Variants in MYO1B observed in about 807,000 individuals in gnomAD.
MYO1B encodes myosin IB.
MYO1B carries 72 observed loss-of-function variants against 159.7 expected under a neutral mutation model. The observed-to-expected ratio is 0.45, with a 90% CI of 0.37 to 0.55. The LOEUF (loss-of-function observed/expected upper bound fraction) is 0.55, where lower values mean the gene tolerates loss of function less well. Ranked by LOEUF, MYO1B falls within the 20% of genes least tolerant of loss-of-function variation. The probability of loss-of-function intolerance (pLI) is 0.00; values close to 1 mark genes in which losing one functional copy is unlikely to be tolerated. For missense variants in MYO1B, 1,062 were observed against 1,364.8 expected (o/e 0.78, Z 3.50); for synonymous variants, 468 against 473.8 (o/e 0.99, Z 0.16).
chr2:191,300,525 G>A (rs1171168307), intron 3 of MYO1B, among the ~76,000 whole-genome samples: 1 of 151,404 alleles, frequency 6.6e-6, no homozygotes, highest in Non-Finnish European at 1.5e-5. Context: ...TGTATTTTTA[G>A]TAGAGACAGG....
intron 4 of MYO1B, among the ~76,000 whole-genome samples, chr2:191,338,349 A>T (rs1344482476): frequency 6.6e-6 from 1 of 152,214 alleles, no homozygotes; most frequent in Non-Finnish European, 1.5e-5. Flanking sequence ...ATATTTTAAA[A>T]TTTTATTTGA....
chr2:191,360,820 C>A, intron 8 of MYO1B, 91 bp downstream of exon 8: 1 of 881,520 alleles, frequency 1.1e-6, no homozygotes, highest in Non-Finnish European at 1.8e-6. Flanking sequence ...TTGCCCAGGC[C>A]GGTCTCTAAT....
At chr2:191,280,434 T>C (rs899697284) in intron 2 of MYO1B, among the ~76,000 whole-genome samples, 2 of 152,254 alleles carry the variant, frequency 1.3e-5, no homozygotes, top group African/African-American at 4.8e-5. Flanking sequence ...CTTGGCTGTT[T>C]CTTTGTTCTG....
chr2:191,399,410 T>G (rs960578950), intron 21 of MYO1B, among the ~76,000 whole-genome samples: 2 of 152,244 alleles, frequency 1.3e-5, no homozygotes, highest in Non-Finnish European at 2.9e-5. Context: ...TTCATTTATT[T>G]CACAGATTGT....
At chr2:191,370,155 C>A in intron 12 of MYO1B, 72 bp from the exon 13 acceptor site, 1 of 935,578 alleles carries the variant, frequency 1.1e-6, no homozygotes, top group Non-Finnish European at 1.7e-6. Context: ...TAATATATAT[C>A]TATGTTCCTT....
chr2:191,404,537 G>A (rs1696797733), intron 24 of MYO1B, among the ~76,000 whole-genome samples: 1 of 152,138 alleles, frequency 6.6e-6, no homozygotes, highest in African/African-American at 2.4e-5. Context: ...TTGTGGATCT[G>A]ACAGCTCTGT....
intron 1 of MYO1B, among the ~76,000 whole-genome samples, chr2:191,253,433 G>A (rs1265272304): frequency 6.6e-6 from 1 of 152,026 alleles, no homozygotes; most frequent in Non-Finnish European, 1.5e-5. Context: ...TGTTGTTCTG[G>A]ATCGTTCCTT....
intron 23 of MYO1B, among the ~76,000 whole-genome samples, chr2:191,401,388 T>C (rs1559237685): frequency 6.6e-6 from 1 of 152,202 alleles, no homozygotes; most frequent in Non-Finnish European, 1.5e-5. Flanking sequence ...ACTATGTTCA[T>C]GCACAGCTAG....
At chr2:191,344,438 C>T (rs200236135) in intron 5 of MYO1B, among the ~76,000 whole-genome samples, 1 of 152,192 alleles carries the variant, frequency 6.6e-6, no homozygotes, top group East Asian at 1.9e-4. Flanking sequence ...ACCTACCAAA[C>T]CATACTCAGC....
chr2:191,304,298 C>T (rs1246899466), intron 3 of MYO1B, among the ~76,000 whole-genome samples: 6 of 152,180 alleles, frequency 3.9e-5, no homozygotes, highest in African/African-American at 1.4e-4. Flanking sequence ...CAGCCGGGCA[C>T]GTTGGCTCAC....
intron 4 of MYO1B, among the ~76,000 whole-genome samples, chr2:191,336,051 A>G (rs757332879): frequency 9.9e-5 from 15 of 152,184 alleles, no homozygotes; most frequent in Non-Finnish European, 1.8e-4. Context: ...CCTTTCAAGC[A>G]CTGATGGGGG....
At chr2:191,357,874 G>A (rs13032780) in intron 7 of MYO1B, among the ~76,000 whole-genome samples, 26,467 of 152,132 alleles carry the variant, frequency 0.17, 3,043 homozygotes, top group Non-Finnish European at 0.25. Flanking sequence ...GAGTAAATTT[G>A]GGGGCAAACA....
intron 13 of MYO1B, among the ~76,000 whole-genome samples, chr2:191,371,231 G>A (rs1694344553): frequency 1.3e-5 from 2 of 152,114 alleles, no homozygotes; most frequent in African/African-American, 4.8e-5. Context: ...TAAGGAACCA[G>A]GCTCTGCCCA....
At chr2:191,356,174 T>C (rs1693266070) in intron 7 of MYO1B, among the ~76,000 whole-genome samples, 1 of 152,172 alleles carries the variant, frequency 6.6e-6, no homozygotes, top group Non-Finnish European at 1.5e-5. Context: ...TGGGAATATA[T>C]GTATTGAGGT....
intron 13 of MYO1B, among the ~76,000 whole-genome samples, chr2:191,373,698 C>T (rs1694519770): frequency 6.6e-6 from 1 of 152,184 alleles, no homozygotes; most frequent in African/African-American, 2.4e-5. Context: ...TCGCTTGAAC[C>T]TGGGAGGCGG....
intron 2 of MYO1B, among the ~76,000 whole-genome samples, chr2:191,279,125 T>G (rs1360852769): frequency 6.6e-6 from 1 of 152,252 alleles, no homozygotes; most frequent in African/African-American, 2.4e-5. Flanking sequence ...ACGTCCTTTG[T>G]GTTTATAAAA....
At chr2:191,398,928 A>T (rs1559235199) in intron 21 of MYO1B, among the ~76,000 whole-genome samples, 1 of 152,190 alleles carries the variant, frequency 6.6e-6, no homozygotes, top group Non-Finnish European at 1.5e-5. Context: ...TGGGAGGTGT[A>T]GGTTGTAGTG....
At chr2:191,253,696 A>G (rs4853562) in intron 1 of MYO1B, among the ~76,000 whole-genome samples, 80,601 of 152,144 alleles carry the variant, frequency 0.53, 25,509 homozygotes, top group Non-Finnish European at 0.68. Flanking sequence ...CAGTTGACAC[A>G]TCACATGCAC....
intron 2 of MYO1B, among the ~76,000 whole-genome samples, chr2:191,294,543 A>C (rs1206150312): frequency 6.6e-6 from 1 of 152,190 alleles, no homozygotes; most frequent in Admixed American, 6.5e-5. Context: ...TGCTTGTGAC[A>C]TTGTCCTTGG....
Sources: allele counts gnomAD v4.1 joint callset (sites outside exome capture counted in the v4.1 genomes callset), GRCh38; gene constraint gnomAD v4.1.1; transcripts MANE v1.5; gene names NCBI Gene and HGNC (gene_info 2026-07-23, HGNC 2026-07-21).